MTHFS: variants seen among roughly 807,000 people sequenced by gnomAD.
The protein encoded by MTHFS is methenyltetrahydrofolate synthetase.
MTHFS carries 7 observed loss-of-function variants against 12.7 expected under a neutral mutation model. That is an observed-to-expected ratio of 0.55 (90% CI 0.31 to 1.03). The LOEUF (loss-of-function observed/expected upper bound fraction) is 1.03, where lower values mean the gene tolerates loss of function less well. Ranked by LOEUF, MTHFS falls within the 50% of genes least tolerant of loss-of-function variation. The pLI, the probability that MTHFS is intolerant of heterozygous loss-of-function variation, is 0.05. For missense variants in MTHFS, 252 were observed against 258.1 expected, an observed-to-expected ratio of 0.98 and a Z score of 0.16; for synonymous variants, 100 against 97.1, an observed-to-expected ratio of 1.03 and a Z score of -0.18.
At chr15:79,892,067 T>C (rs1299293967) in intron 1 of MTHFS, among the ~76,000 whole-genome samples, 1 of 151,788 alleles carries the variant, frequency 6.6e-6, no homozygotes, top group Non-Finnish European at 1.5e-5. Flanking sequence ...TAATTTTAAA[T>C]TTGAAATTCA....
intron 1 of MTHFS, among the ~76,000 whole-genome samples, chr15:79,890,064 G>A (rs543729892): frequency 5.0e-4 from 76 of 151,982 alleles, no homozygotes; most frequent in Non-Finnish European, 9.6e-4. Context: ...ATGGGGTGGG[G>A]GCAGATCCTG....
At chr15:79,854,249 G>C (rs2033762621) in intron 2 of MTHFS, among the ~76,000 whole-genome samples, 1 of 152,230 alleles carries the variant, frequency 6.6e-6, no homozygotes, top group African/African-American at 2.4e-5. Context: ...AGATGGAGAT[G>C]CTTAGAGAAA....
intron 1 of MTHFS, among the ~76,000 whole-genome samples, chr15:79,895,289 G>C (rs528920034): frequency 6.6e-6 from 1 of 152,312 alleles, no homozygotes; most frequent in African/African-American, 2.4e-5. Context: ...TCACCTGAAA[G>C]AATTCATCTT....
chr15:79,896,945 C>T lies in MTHFS; in HGVS notation c.44G>A (p.Gly15Glu). ...AVSSAKRSLR[G>E]ELKQRLRAMS... ...CGCCCGCAGACGCTGCTTCAGCTCT[C>T]CCCGCAGGCTCCGCTTGGCGCTGCT... Residue 15 changes from glycine (G) to glutamate (E), a missense_variant, in exon 1 of 3, where the codon GGA (glycine) becomes GAA (glutamate). Physicochemically the swap from Gly to Glu is moderately conservative, Grantham distance 98 (BLOSUM62 -2). Coordinates refer to ENST00000258874, the MANE Select transcript of MTHFS (RefSeq NM_006441.4). The T allele has an allele frequency of 1.3e-6, 2 of 1,538,516 alleles. No homozygotes were observed. Among genetic ancestry groups the T allele is most frequent in the Non-Finnish European group, 1.7e-6 (2 of 1,145,790 alleles).
chr15:79,870,746 G>T (rs2034087889), intron 2 of MTHFS, among the ~76,000 whole-genome samples: 1 of 152,116 alleles, frequency 6.6e-6, no homozygotes, highest in African/African-American at 2.4e-5. Flanking sequence ...AATATAGTAA[G>T]AAAATAATCG....
In MTHFS at chr15:79,845,111, T is replaced by A; in HGVS notation, c.*99A>T. ...TTTAAAATGCAGTCTGTATTCACAT[T>A]AATGAACAATTTCAACTAATTTTTG... On this transcript the variant is annotated 3_prime_UTR_variant, in exon 3 of 3. Transcript: ENST00000258874. 1 of 1,465,728 alleles carries A rather than the reference T, an allele frequency of 6.8e-7. No homozygotes were observed. The highest frequency in any genetic ancestry group is 9.2e-7 in the Non-Finnish European group (1 of 1,082,442). 90.8% of individuals were successfully genotyped at this position (1,465,728 alleles called of 1,614,324 possible).
chr15:79,845,753 C>A (rs570812510), intron 2 of MTHFS, among the ~76,000 whole-genome samples: 222 of 152,240 alleles, frequency 1.5e-3, no homozygotes, highest in Non-Finnish European at 1.4e-3. Context: ...TTTTTTCTAG[C>A]ATCCTGGTGA....
chr15:79,887,430 G>C (rs2034402060), intron 2 of MTHFS, among the ~76,000 whole-genome samples: 1 of 152,182 alleles, frequency 6.6e-6, no homozygotes, highest in Non-Finnish European at 1.5e-5. Context: ...AGATGTTCTA[G>C]AAGGAGCACA....
At position 79,869,872 on chromosome 15, in the gene MTHFS, T is replaced by G. The variant is rs141860896; in HGVS notation, c.379+19221A>C. 7.9e-5 allele frequency among the ~76,000 whole-genome samples: 12 copies of G among 152,206 alleles called. 1 individual carries two copies. The East Asian group carries it at 2.1e-3, about 27-fold the overall frequency. ...CTTCGGTTATAAACCCAAATGATTTTGAAAGTGATGGGGATAAAAAGATGA... is the reference window on the plus strand; with the variant it reads ...CTTCGGTTATAAACCCAAATGATTTGGAAAGTGATGGGGATAAAAAGATGA... On this transcript the variant is annotated intron_variant, in intron 2 of 2. Transcript: ENST00000258874.
intron 2 of MTHFS, among the ~76,000 whole-genome samples, chr15:79,878,712 C>A (rs1441178282): frequency 6.6e-6 from 1 of 151,472 alleles, no homozygotes; most frequent in Admixed American, 6.6e-5. Flanking sequence ...TTTCTTCTCC[C>A]TATGTGGAGG....
intron 2 of MTHFS, chr15:79,876,614 C>CAAAAAAAAAAAAAA (rs35224825): frequency 1.2e-5 from 1 of 86,296 alleles, no homozygotes; most frequent in Non-Finnish European, 2.3e-5. Flanking sequence ...GACTCCATCC[C>CAAAAAAAAAAAAAA]AAAAAAAAAA....
rs2033560568 is a variant in MTHFS, at chr15:79,843,756, A to T, written c.*1454T>A. 6.6e-6 allele frequency: 1 copy of T among 152,246 alleles called. No homozygotes were observed. The highest frequency in any genetic ancestry group is 2.4e-5 in the African/African-American group (1 of 41,462). 9.4% of individuals were successfully genotyped at this position (152,246 alleles called of 1,614,324 possible). On this transcript the variant is annotated 3_prime_UTR_variant, in exon 3 of 3. Coordinates refer to ENST00000258874, the MANE Select transcript of MTHFS (RefSeq NM_006441.4). ...ACTTCTTTTCTTTGGAGCTCACAGT[A>T]TGGTGAAGGGGACAGATATGACAAC...
At chr15:79,896,292 C>A (rs1380917067) in intron 1 of MTHFS, among the ~76,000 whole-genome samples, 1 of 152,230 alleles carries the variant, frequency 6.6e-6, no homozygotes, top group Non-Finnish European at 1.5e-5. Flanking sequence ...TGAGACACAG[C>A]CTTAGCCCTC....
At position 79,895,105 on chromosome 15, in the gene MTHFS, A is replaced by T. The variant is rs559874493; in HGVS notation, c.117+1767T>A. 2.6e-5 allele frequency among the ~76,000 whole-genome samples: 4 copies of T among 152,336 alleles called. No individual in the cohort carries two copies. In the South Asian group the frequency reaches 8.3e-4, roughly 32 times the overall value. ...AAGAGTGATATTATCCATTTTATAG[A>T]CAAGGAACCAAAGGTTCTGAGAGAT... On this transcript the variant is annotated intron_variant, in intron 1 of 2. Transcript: ENST00000258874.
chr15:79,886,949 A>G (rs1282073723), intron 2 of MTHFS, among the ~76,000 whole-genome samples: 3 of 152,106 alleles, frequency 2.0e-5, no homozygotes, highest in African/African-American at 7.3e-5. Context: ...CATGCTAAAA[A>G]CCATACATAG....
In MTHFS at chr15:79,845,005, C is replaced by A; in HGVS notation, c.*205G>T. 2 of 699,430 alleles carry A rather than the reference C, an allele frequency of 2.9e-6. No individual in the cohort carries two copies. Among genetic ancestry groups the A allele is most frequent in the Non-Finnish European group, 4.5e-6 (2 of 442,470 alleles). The allele number at this position is 699,430 out of a possible 1,614,324, so 43.3% of individuals were successfully genotyped here. On this transcript the variant is annotated 3_prime_UTR_variant, in exon 3 of 3. Coordinates refer to ENST00000258874, the MANE Select transcript of MTHFS (RefSeq NM_006441.4). ...GCTGAAAATCACAGGCTGATAGCCT[C>A]CATTTTAATTAATATTCTACTATTC... is the stretch of plus-strand genomic sequence containing the variant.
rs1216113673 is a variant in MTHFS, at chr15:79,896,964, C to A, written c.25G>T (p.Ala9Ser). ...AGCTCTCCCCGCAGGCTCCGCTTGG[C>A]GCTGCTCACCGCTGCCGCCGCCATC... MAAAAVSSAKRSLRGELKQ... is the reference protein window; with the variant it reads MAAAAVSSSKRSLRGELKQ... The change falls in exon 1 of 3, where the codon GCC (alanine) becomes TCC (serine). Residue 9 changes from alanine to serine, a missense_variant. Transcript: ENST00000258874. 3 of 1,532,502 alleles carry A rather than the reference C, an allele frequency of 2.0e-6. No homozygotes were observed. In the South Asian group the frequency reaches 3.6e-5, roughly 18 times the overall value. The allele number at this position is 1,532,502 out of a possible 1,614,324, so 94.9% of individuals were successfully genotyped here. A position where few individuals can be genotyped will look rare whatever the true frequency, so the allele number is the denominator to read the frequency against.
At chr15:79,890,569 C>A (rs1311943765) in intron 1 of MTHFS, among the ~76,000 whole-genome samples, 1 of 151,994 alleles carries the variant, frequency 6.6e-6, no homozygotes, top group East Asian at 1.9e-4. Flanking sequence ...CCTCCCTATT[C>A]TCCAAACTAA....
rs2034588243 is a variant in MTHFS at position 79,896,926 on chromosome 15, C to T, written c.63G>A (p.Leu21=). The change falls in exon 1 of 3, where the codon CTG becomes CTA. Residue 21 remains leucine, a synonymous_variant. Coordinates refer to ENST00000258874, the MANE Select transcript of MTHFS (RefSeq NM_006441.4). ...RSLRGELKQR[L]RAMSAEERLR... ...GCCGCTCCTCGGCACTCATCGCCCG[C>T]AGACGCTGCTTCAGCTCTCCCCGCA... 6.5e-6 allele frequency: 10 copies of T among 1,541,704 alleles called. No individual in the cohort carries two copies. The East Asian group carries it at 2.4e-4, about 38-fold the overall frequency.
Sources: allele counts gnomAD v4.1 joint callset (sites outside exome capture counted in the v4.1 genomes callset), GRCh38; gene constraint gnomAD v4.1.1; transcripts MANE v1.5; gene names NCBI Gene and HGNC (gene_info 2026-07-23, HGNC 2026-07-21).